The following RAB6A variants were observed in gnomAD, a reference collection of about 807,000 sequenced individuals.
The protein encoded by RAB6A is RAB6A, member RAS oncogene family, also known as ras-related protein Rab-6A.
Under a neutral mutation model 32.3 loss-of-function variants are expected in RAB6A, and 8 were observed. The ratio of observed to expected loss-of-function variants is 0.25; its 90% CI spans 0.15 to 0.45. The LOEUF (loss-of-function observed/expected upper bound fraction) is 0.45, where lower values mean the gene tolerates loss of function less well. Ranked by LOEUF, RAB6A falls within the 20% of genes least tolerant of loss-of-function variation. RAB6A has a pLI of 1.00. For missense variants in RAB6A, 104 were observed against 249.4 expected (o/e 0.42, Z 3.93); for synonymous variants, 73 against 82.1 (o/e 0.89, Z 0.60).
At chr11:73,746,551 G>C (rs1946591537) in intron 1 of RAB6A, among the ~76,000 whole-genome samples, 1 of 151,956 alleles carries the variant, frequency 6.6e-6, no homozygotes, top group African/African-American at 2.4e-5. Context: ...AGGAGGATCA[G>C]TTGAGCACAG....
intron 4 of RAB6A, among the ~76,000 whole-genome samples, chr11:73,717,337 T>C (rs913479551): frequency 2.0e-5 from 3 of 152,222 alleles, no homozygotes; most frequent in Non-Finnish European, 2.9e-5. Flanking sequence ...CCCAAGATAC[T>C]ACATCTGTGT....
chr11:73,682,276 CAG>C (rs779096933), intron 6 of RAB6A, among the ~76,000 whole-genome samples: 2 of 152,086 alleles, frequency 1.3e-5, no homozygotes, highest in Non-Finnish European at 2.9e-5. Context: ...ACTGGCAACA[CAG>C]AGAGACCTTG....
intron 5 of RAB6A, among the ~76,000 whole-genome samples, chr11:73,709,335 AGGAG>A (rs1446962958): frequency 6.6e-6 from 1 of 151,768 alleles, no homozygotes; most frequent in East Asian, 1.9e-4. Context: ...ACTTAGAACA[AGGAG>A]GGAGGGAGTG....
chr11:73,698,330 A>C (rs1230951867), intron 6 of RAB6A, among the ~76,000 whole-genome samples: 1 of 152,224 alleles, frequency 6.6e-6, no homozygotes, highest in Non-Finnish European at 1.5e-5. Context: ...TATAAGGCTT[A>C]AGATCTCAGA....
rs191463026 is a variant in RAB6A, at chr11:73,746,062, G to A, written c.70+14504C>T. Among the ~76,000 whole-genome samples, 35 of 151,670 alleles carry A rather than the reference G, an allele frequency of 2.3e-4. No homozygotes were observed. In the East Asian group the frequency reaches 5.2e-3, roughly 23 times the overall value. Reference sequence around the variant, plus strand: ...TGAAGATCAGTCAAGTGCAGAGTTCGCACCAGTAGTCCCAGCTAACTACTC... The same window carrying A: ...TGAAGATCAGTCAAGTGCAGAGTTCACACCAGTAGTCCCAGCTAACTACTC... On this transcript the variant is annotated intron_variant, in intron 1 of 7. Transcript: ENST00000336083.
chr11:73,737,549 T>C (rs1257550016), intron 1 of RAB6A, among the ~76,000 whole-genome samples: 1 of 152,048 alleles, frequency 6.6e-6, no homozygotes, highest in African/African-American at 2.4e-5. Context: ...GCACTACCCA[T>C]AAGAGCCAAA....
intron 1 of RAB6A, among the ~76,000 whole-genome samples, chr11:73,742,320 A>G (rs1310238511): frequency 6.6e-6 from 1 of 152,088 alleles, no homozygotes; most frequent in Non-Finnish European, 1.5e-5. Context: ...AAAACAAAAT[A>G]GAAACAGGGT....
chr11:73,707,331 C>T (rs2134920447), intron 6 of RAB6A, 89 bp downstream of exon 6: 1 of 880,652 alleles, frequency 1.1e-6, no homozygotes, highest in Non-Finnish European at 1.8e-6. Context: ...CTGCTCTTGC[C>T]AGGTGGAAGG....
chr11:73,731,686 ATATATATATATATATAT>A lies in RAB6A; in HGVS notation c.71-880_71-864del, dbSNP rs1946306173. The stretch of plus-strand genomic sequence containing the variant: ...ATTGTGAGATAGATAGATAGATATT[ATATATATATATATATAT>A]ATATATATATATATATATATATATA... On this transcript the variant is annotated intron_variant, in intron 1 of 7. Coordinates refer to ENST00000336083, the MANE Select transcript of RAB6A (RefSeq NM_198896.2). Among the ~76,000 whole-genome samples, 71 of 27,590 alleles carry A rather than the reference ATATATATATATATATAT, an allele frequency of 2.6e-3. 7 individuals are homozygous for A. The highest frequency in any genetic ancestry group is 3.7e-3 in the Admixed American group (9 of 2,452). 18.1% of individuals were successfully genotyped at this position (27,590 alleles called of 152,430 possible). A position where few individuals can be genotyped will look rare whatever the true frequency, so the allele number is the denominator to read the frequency against.
chr11:73,722,061 T>TTTTTTTTTTTTTTTTTTGGAG (rs1264423078), intron 2 of RAB6A, among the ~76,000 whole-genome samples: 1 of 150,974 alleles, frequency 6.6e-6, no homozygotes, highest in Non-Finnish European at 1.5e-5. Context: ...GCCATGATTG[T>TTTTTTTTTTTTTTTTTTGGAG]AAGTTTCCTG....
At chr11:73,724,949 T>C (rs1286464341) in intron 2 of RAB6A, among the ~76,000 whole-genome samples, 1 of 152,164 alleles carries the variant, frequency 6.6e-6, no homozygotes, top group Non-Finnish European at 1.5e-5. Flanking sequence ...GTGCCTGATA[T>C]ATAACAAAAA....
chr11:73,733,598 A>G (rs1946350719), intron 1 of RAB6A, among the ~76,000 whole-genome samples: 1 of 151,792 alleles, frequency 6.6e-6, no homozygotes, highest in Non-Finnish European at 1.5e-5. Context: ...AATAAAGAGA[A>G]TGGACAAATT....
Position 73,676,231 on chromosome 11 carries a change from A to G in RAB6A, c.*1667T>C, listed in dbSNP as rs1212288441. 6.0e-6 allele frequency: 1 copy of G among 167,128 alleles called. No homozygotes were observed. Among genetic ancestry groups the G allele is most frequent in the East Asian group, 1.9e-4 (1 of 5,206 alleles). 10.4% of individuals were successfully genotyped at this position (167,128 alleles called of 1,614,324 possible). A position where few individuals can be genotyped will look rare whatever the true frequency, so the allele number is the denominator to read the frequency against. On this transcript the variant is annotated 3_prime_UTR_variant, in exon 8 of 8. Coordinates refer to ENST00000336083, the MANE Select transcript of RAB6A (RefSeq NM_198896.2). ...ATATTTTTGTTGTCTTTTCATCTTTATACTGTGTTAAGTAATGCTTACAAC... is the reference window on the plus strand; with the variant it reads ...ATATTTTTGTTGTCTTTTCATCTTTGTACTGTGTTAAGTAATGCTTACAAC...
intron 6 of RAB6A, among the ~76,000 whole-genome samples, chr11:73,684,957 C>T (rs1945418873): frequency 6.6e-6 from 1 of 152,228 alleles, no homozygotes; most frequent in African/African-American, 2.4e-5. Context: ...GTAGTTTGCT[C>T]TCAGACTTCC....
chr11:73,731,914 T>G (rs1281749972), intron 1 of RAB6A, among the ~76,000 whole-genome samples: 16 of 150,896 alleles, frequency 1.1e-4, no homozygotes, highest in Non-Finnish European at 7.4e-5. Flanking sequence ...GCTAATTTTT[T>G]GTTATTTTTA....
At chr11:73,745,465 C>G (rs1216425888) in intron 1 of RAB6A, among the ~76,000 whole-genome samples, 1 of 152,088 alleles carries the variant, frequency 6.6e-6, no homozygotes, top group African/African-American at 2.4e-5. Context: ...GAGACACAGG[C>G]CGGGTGCAGT....
intron 1 of RAB6A, among the ~76,000 whole-genome samples, chr11:73,757,863 G>T (rs1565384286): frequency 6.6e-6 from 1 of 152,146 alleles, no homozygotes; most frequent in African/African-American, 2.4e-5. Context: ...CAACATGTCT[G>T]AACAGCTACT....
At chr11:73,733,473 C>A (rs1182047547) in intron 1 of RAB6A, among the ~76,000 whole-genome samples, 1 of 151,370 alleles carries the variant, frequency 6.6e-6, no homozygotes, top group Admixed American at 6.6e-5. Flanking sequence ...CGTTTGAACC[C>A]AGGAGGTGGA....
At chr11:73,750,119 G>C (rs1163068494) in intron 1 of RAB6A, among the ~76,000 whole-genome samples, 1 of 152,104 alleles carries the variant, frequency 6.6e-6, no homozygotes, top group East Asian at 1.9e-4. Context: ...ACCATGAAAG[G>C]GTTTAACTTA....
Sources: gnomAD v4.1 joint callset for allele counts (sites outside exome capture counted in the v4.1 genomes callset) on GRCh38, gnomAD v4.1.1 for gene constraint, MANE v1.5 for transcripts, NCBI Gene and HGNC (gene_info 2026-07-23, HGNC 2026-07-21) for gene names.